Variants in EPHA5 observed in about 807,000 individuals in gnomAD.
EPHA5 encodes the protein ephrin type-A receptor 5.
EPHA5 carries 60 observed loss-of-function variants against 105.0 expected under a neutral mutation model. The observed-to-expected ratio is 0.57, with a 90% CI of 0.46 to 0.71. EPHA5 has a LOEUF of 0.71. EPHA5 is among the 30% of genes least tolerant of loss of function. The probability of loss-of-function intolerance (pLI) is 0.00; values close to 1 mark genes in which losing one functional copy is unlikely to be tolerated. For synonymous variants in EPHA5, 513 were observed against 449.1 expected, an observed-to-expected ratio of 1.14 and a Z score of -1.80; for missense variants, 1,218 against 1,274.7, an observed-to-expected ratio of 0.96 and a Z score of 0.68.
At chr4:65,392,536 A>T (rs1720821753) in intron 8 of EPHA5, among the ~76,000 whole-genome samples, 2 of 152,138 alleles carry the variant, frequency 1.3e-5, no homozygotes, top group Admixed American at 1.3e-4. Flanking sequence ...TATAAAAGTT[A>T]TTGCTGCTTG....
intron 5 of EPHA5, among the ~76,000 whole-genome samples, chr4:65,460,784 G>T (rs1728049377): frequency 1.3e-5 from 2 of 151,724 alleles, no homozygotes; most frequent in Non-Finnish European, 3.0e-5. Flanking sequence ...AAAAGGATTT[G>T]TATGTGTGTT....
chr4:65,611,283 G>A (rs1484662592), intron 2 of EPHA5, among the ~76,000 whole-genome samples: 2 of 151,998 alleles, frequency 1.3e-5, no homozygotes, highest in South Asian at 2.1e-4. Context: ...TTCTCAGTAA[G>A]ATGTAAATTG....
At chr4:65,545,362 A>T (rs1373214781) in intron 3 of EPHA5, among the ~76,000 whole-genome samples, 1 of 151,822 alleles carries the variant, frequency 6.6e-6, no homozygotes, top group Non-Finnish European at 1.5e-5. Context: ...TTCCAAAGTA[A>T]CCCATCACTC....
chr4:65,550,005 A>G (rs1398230448), intron 3 of EPHA5, among the ~76,000 whole-genome samples: 1 of 152,136 alleles, frequency 6.6e-6, no homozygotes, highest in African/African-American at 2.4e-5. Flanking sequence ...TATTACTACA[A>G]ATTAATATTC....
intron 11 of EPHA5, among the ~76,000 whole-genome samples, chr4:65,360,924 G>T (rs1436820678): frequency 2.0e-5 from 3 of 151,460 alleles, no homozygotes; most frequent in African/African-American, 7.3e-5. Context: ...TAAGAAGGGT[G>T]ATAAAACATG....
chr4:65,437,774 G>A (rs951124702), intron 5 of EPHA5, among the ~76,000 whole-genome samples: 59 of 151,870 alleles, frequency 3.9e-4, no homozygotes, highest in Middle Eastern at 3.4e-3. Context: ...TAAAATTGGG[G>A]TTATATCTGT....
intron 5 of EPHA5, among the ~76,000 whole-genome samples, chr4:65,435,429 T>G (rs2149073114): frequency 6.6e-6 from 1 of 152,222 alleles, no homozygotes; most frequent in South Asian, 2.1e-4. Context: ...AAAGGATTCT[T>G]TTAAGTGTAG....
chr4:65,383,568 A>ATGAC (rs796078048), intron 8 of EPHA5, among the ~76,000 whole-genome samples: 7 of 152,042 alleles, frequency 4.6e-5, no homozygotes, highest in African/African-American at 1.7e-4. Context: ...GCATGGAACT[A>ATGAC]TGACTATTGT....
At chr4:65,591,308 A>G (rs573777257) in intron 3 of EPHA5, among the ~76,000 whole-genome samples, 88 of 152,178 alleles carry the variant, frequency 5.8e-4, no homozygotes, top group Non-Finnish European at 1.1e-3. Context: ...TATTGTAATA[A>G]CTAGTATTAA....
intron 1 of EPHA5, among the ~76,000 whole-genome samples, chr4:65,651,700 T>C (rs1748626151): frequency 6.6e-6 from 1 of 152,224 alleles, no homozygotes; most frequent in African/African-American, 2.4e-5. Context: ...AAAGATGTTA[T>C]AGACATTGCT....
At chr4:65,638,919 T>G (rs943285934) in intron 2 of EPHA5, among the ~76,000 whole-genome samples, 1 of 152,222 alleles carries the variant, frequency 6.6e-6, no homozygotes, top group Non-Finnish European at 1.5e-5. Flanking sequence ...CAAATTATAC[T>G]TGATTTCTTT....
At chr4:65,408,741 G>A (rs1373515645) in intron 7 of EPHA5, among the ~76,000 whole-genome samples, 2 of 151,902 alleles carry the variant, frequency 1.3e-5, no homozygotes, top group South Asian at 2.1e-4. Flanking sequence ...CACTGTTGGG[G>A]GGACTGTAAA....
chr4:65,570,828 A>G (rs1740057551), intron 3 of EPHA5, among the ~76,000 whole-genome samples: 1 of 152,058 alleles, frequency 6.6e-6, no homozygotes, highest in African/African-American at 2.4e-5. Flanking sequence ...AAAAATCTTA[A>G]TATATAGTTA....
At position 65,602,284 on chromosome 4, in the gene EPHA5, C is replaced by T; in HGVS notation, c.267G>A (p.Val89=). 1 of 1,600,480 alleles carries T rather than the reference C, an allele frequency of 6.2e-7. No homozygotes were observed. The highest frequency in any genetic ancestry group is 2.2e-5 in the East Asian group (1 of 44,654). Residue 89 remains valine, a synonymous_variant, in exon 3 of 17, where the codon GTG becomes GTA. Coordinates refer to ENST00000613740, the MANE Select transcript of EPHA5 (RefSeq NM_001281766.3). The part of the protein sequence containing the change: ...PKNGWEEIGE[V]DENYAPIHTY... ...TGTGGATAGGGGCATAATTTTCATC[C>T]ACTTCACCAATCTCTTCCCACTGTA...
intron 3 of EPHA5, among the ~76,000 whole-genome samples, chr4:65,553,121 G>A (rs532908943): frequency 1.3e-5 from 2 of 152,150 alleles, no homozygotes; most frequent in African/African-American, 4.8e-5. Context: ...TTCTCTGAGT[G>A]GGGTAGGTTT....
chr4:65,464,388 G>A (rs551445320), intron 5 of EPHA5, among the ~76,000 whole-genome samples: 1 of 152,130 alleles, frequency 6.6e-6, no homozygotes, highest in South Asian at 2.1e-4. Flanking sequence ...TCAGGAGATT[G>A]ATAAGGCAAC....
chr4:65,401,075 A>G (rs1177622444), intron 8 of EPHA5, among the ~76,000 whole-genome samples: 2 of 151,638 alleles, frequency 1.3e-5, no homozygotes, highest in African/African-American at 2.4e-5. Flanking sequence ...AGAGAGAGAA[A>G]GAAAAAAAAT....
At chr4:65,508,765 G>T (rs987246632) in intron 3 of EPHA5, among the ~76,000 whole-genome samples, 1 of 151,820 alleles carries the variant, frequency 6.6e-6, no homozygotes, top group Non-Finnish European at 1.5e-5. Flanking sequence ...AGCATAGATA[G>T]CTAGATATAG....
At chr4:65,402,674 GTTTA>G (rs1721963500) in intron 8 of EPHA5, among the ~76,000 whole-genome samples, 1 of 151,924 alleles carries the variant, frequency 6.6e-6, no homozygotes, top group Non-Finnish European at 1.5e-5. Context: ...TATAACTAAT[GTTTA>G]TTTAATTTAT....
Sources: allele counts gnomAD v4.1 joint callset (sites outside exome capture counted in the v4.1 genomes callset), GRCh38; gene constraint gnomAD v4.1.1; transcripts MANE v1.5; gene names NCBI Gene and HGNC (gene_info 2026-07-23, HGNC 2026-07-21).